Variants in LAMA3 observed in about 807,000 individuals in gnomAD.
The protein encoded by LAMA3 is laminin subunit alpha-3.
Under a neutral mutation model 402.0 loss-of-function variants are expected in LAMA3, and 281 were observed. The ratio of observed to expected loss-of-function variants is 0.70; its 90% CI spans 0.63 to 0.77. The LOEUF is 0.77. LAMA3 is among the 30% of genes least tolerant of loss of function. LAMA3 has a pLI of 0.00. For missense variants in LAMA3, 3,840 were observed against 4,215.5 expected (o/e 0.91, Z 2.47); for synonymous variants, 1,431 against 1,558.4 (o/e 0.92, Z 1.93).
At chr18:23,927,006 C>T (rs935574260) in intron 62 of LAMA3, among the ~76,000 whole-genome samples, 2 of 152,122 alleles carry the variant, frequency 1.3e-5, no homozygotes, top group African/African-American at 2.4e-5. Flanking sequence ...GAAACAGGCA[C>T]GGAGAAAAGT....
intron 1 of LAMA3, among the ~76,000 whole-genome samples, chr18:23,692,309 T>C (rs1484836655): frequency 1.3e-5 from 2 of 152,220 alleles, no homozygotes; most frequent in Admixed American, 1.3e-4. Flanking sequence ...CTCTCTCGTC[T>C]CTCCCAGGTT....
chr18:23,940,315 C>T (rs1460823096), intron 68 of LAMA3, among the ~76,000 whole-genome samples: 1 of 152,118 alleles, frequency 6.6e-6, no homozygotes, highest in Non-Finnish European at 1.5e-5. Flanking sequence ...TGCAGTGCCC[C>T]CAAGCAGAGA....
At chr18:23,865,851 A>G (rs901574629) in intron 36 of LAMA3, among the ~76,000 whole-genome samples, 1 of 152,218 alleles carries the variant, frequency 6.6e-6, no homozygotes, top group Non-Finnish European at 1.5e-5. Context: ...GGGCTGTATC[A>G]TCAGTGTGTG....
chr18:23,921,341 T>C (rs1177734805), intron 61 of LAMA3, 111 bp from the exon 62 acceptor site: 1 of 1,161,836 alleles, frequency 8.6e-7, no homozygotes, highest in Non-Finnish European at 1.2e-6. Context: ...TCCTACTATG[T>C]ATATAAATGA....
chr18:23,835,142 C>T (rs191615614), intron 24 of LAMA3, among the ~76,000 whole-genome samples: 1 of 152,350 alleles, frequency 6.6e-6, no homozygotes, highest in East Asian at 1.9e-4. Flanking sequence ...GTTGCCACCT[C>T]ACCTGAGGCC....
rs377522175 is a variant in LAMA3, at chr18:23,894,916, G to A, written c.5471G>A (p.Ser1824Asn). Residue 1824 changes from serine (S) to asparagine (N), a missense_variant, in exon 44 of 75, where the codon AGC becomes AAC. Coordinates refer to ENST00000313654, the MANE Select transcript of LAMA3 (RefSeq NM_198129.4). ...SPAEECDDCD[S>N]CVMTLLNDLA... ...ATTGTGGCCCCTACAGATTGCGACA[G>A]CTGTGTGATGACCCTCCTGAACGAC... The A allele has an allele frequency of 6.2e-7, 1 of 1,614,198 alleles. No homozygotes were observed. Among genetic ancestry groups the A allele is most frequent in the Middle Eastern group, 1.6e-4 (1 of 6,062 alleles).
intron 11 of LAMA3, among the ~76,000 whole-genome samples, chr18:23,779,803 A>T (rs1397439142): frequency 6.6e-6 from 1 of 152,130 alleles, no homozygotes; most frequent in Non-Finnish European, 1.5e-5. Context: ...GGTGGCACCA[A>T]AGGCCCCCTG....
chr18:23,752,645 A>T (rs912172299), intron 5 of LAMA3, among the ~76,000 whole-genome samples: 1 of 152,216 alleles, frequency 6.6e-6, no homozygotes, highest in African/African-American at 2.4e-5. Flanking sequence ...AACTTGTCAC[A>T]GAAAGCCCTG....
At chr18:23,944,734 A>G (rs2082645872) in intron 69 of LAMA3, among the ~76,000 whole-genome samples, 1 of 152,222 alleles carries the variant, frequency 6.6e-6, no homozygotes, top group Non-Finnish European at 1.5e-5. Context: ...ACAAAGCAAT[A>G]AGAAATGGAA....
intron 44 of LAMA3, 88 bp downstream of exon 44, chr18:23,895,146 C>G: frequency 7.0e-7 from 1 of 1,434,114 alleles, no homozygotes; most frequent in Non-Finnish European, 9.5e-7. Context: ...AAGGTTGACT[C>G]CTGGAAAGGC....
At chr18:23,867,194 C>T (rs973135133) in intron 36 of LAMA3, among the ~76,000 whole-genome samples, 2 of 152,298 alleles carry the variant, frequency 1.3e-5, no homozygotes, top group African/African-American at 2.4e-5. Flanking sequence ...TTCTTCCCAC[C>T]GCAGGCTGGT....
chr18:23,754,000 T>C (rs1648923913), intron 6 of LAMA3, among the ~76,000 whole-genome samples, 188 bp downstream of exon 6: 1 of 152,064 alleles, frequency 6.6e-6, no homozygotes, highest in South Asian at 2.1e-4. Context: ...ATAACCCCTA[T>C]AGGCCCTGGC....
rs772413926 is a variant in LAMA3 at position 23,753,763 on chromosome 18, G to A, written c.898G>A (p.Val300Ile). The change falls in exon 6 of 75, where the codon GTT becomes ATT. Residue 300 changes from valine to isoleucine, a missense_variant. Coordinates refer to ENST00000313654, the MANE Select transcript of LAMA3 (RefSeq NM_198129.4). Reference protein sequence around the residue: ...IKDISIGGQCVCNGHAEVCNI... With the variant: ...IKDISIGGQCICNGHAEVCNI... ...GGACATCAGCATTGGTGGGCAGTGTGTTTGCAATGGCCATGCTGAAGTGTG... is the reference window on the plus strand; with the variant it reads ...GGACATCAGCATTGGTGGGCAGTGTATTTGCAATGGCCATGCTGAAGTGTG... 1 of 1,613,982 alleles carries A rather than the reference G, an allele frequency of 6.2e-7. No homozygotes were observed. The highest frequency in any genetic ancestry group is 8.5e-7 in the Non-Finnish European group (1 of 1,179,870).
Position 23,839,692 on chromosome 18 carries a change from G to T in LAMA3, c.3192-93G>T. 1.5e-6 allele frequency: 2 copies of T among 1,363,528 alleles called. No homozygotes were observed. The highest frequency in any genetic ancestry group is 1.2e-5 in the South Asian group (1 of 84,912). 84.5% of individuals were successfully genotyped at this position (1,363,528 alleles called of 1,614,324 possible). On this transcript the variant is annotated intron_variant, in intron 26 of 74. Coordinates refer to ENST00000313654, the MANE Select transcript of LAMA3 (RefSeq NM_198129.4). The surrounding 1 kb of genome is among the most constrained non-coding windows in gnomAD (Gnocchi z 4.5). ...ACTGGATCCTTTTGATGCCCATGCA[G>T]TCCTATGCTCCAAGTCTGTCTCTTC...
chr18:23,763,104 C>T (rs1379960173), intron 7 of LAMA3, among the ~76,000 whole-genome samples: 1 of 152,030 alleles, frequency 6.6e-6, no homozygotes, highest in Non-Finnish European at 1.5e-5. Context: ...GTGATCCATC[C>T]GCCTAGGCCT....
chr18:23,893,097 A>G (rs990991504), intron 42 of LAMA3, among the ~76,000 whole-genome samples: 2 of 152,134 alleles, frequency 1.3e-5, no homozygotes, highest in Admixed American at 6.5e-5. Flanking sequence ...ATTTTTTACA[A>G]TTAAAAGTAA....
At chr18:23,695,600 T>C (rs2060669045) in intron 1 of LAMA3, among the ~76,000 whole-genome samples, 1 of 151,520 alleles carries the variant, frequency 6.6e-6, no homozygotes, top group South Asian at 2.1e-4. Flanking sequence ...GGCGGGTGAA[T>C]CACTTGAGGT....
intron 9 of LAMA3, among the ~76,000 whole-genome samples, chr18:23,774,716 C>T (rs772518857): frequency 6.6e-6 from 1 of 152,116 alleles, no homozygotes; most frequent in Non-Finnish European, 1.5e-5. Flanking sequence ...AATCCTGTGC[C>T]CACTCCATGA....
At chr18:23,698,127 A>C (rs931527368) in intron 1 of LAMA3, among the ~76,000 whole-genome samples, 3 of 92,900 alleles carry the variant, frequency 3.2e-5, no homozygotes, top group Non-Finnish European at 5.7e-5. Context: ...TCAAACTATG[A>C]ATTTGTGGGA....
Sources: gnomAD v4.1 joint callset for allele counts (sites outside exome capture counted in the v4.1 genomes callset) on GRCh38, gnomAD v4.1.1 for gene constraint, Gnocchi (gnomAD v3.1) non-coding constraint, MANE v1.5 for transcripts, NCBI Gene and HGNC (gene_info 2026-07-23, HGNC 2026-07-21) for gene names.